The following MAGI3 variants were observed in gnomAD, a reference collection of about 807,000 sequenced individuals.
The protein encoded by MAGI3 is membrane associated guanylate kinase, WW and PDZ domain containing 3.
A neutral mutation model predicts 121.8 loss-of-function variants in MAGI3; 43 were observed. The ratio of observed to expected loss-of-function variants is 0.35; its 90% CI spans 0.28 to 0.46. MAGI3 has a LOEUF of 0.46. Among genes scored for constraint, MAGI3 ranks in the 20% least tolerant of loss-of-function variants. The pLI is 1.00. For missense variants in MAGI3, 1,547 were observed against 1,797.3 expected (o/e 0.86, Z 2.52); for synonymous variants, 553 against 639.3 (o/e 0.86, Z 2.04).
At chr1:113,587,607 T>C (rs901702050) in intron 4 of MAGI3, among the ~76,000 whole-genome samples, 1 of 152,226 alleles carries the variant, frequency 6.6e-6, no homozygotes, top group African/African-American at 2.4e-5. Flanking sequence ...TTTATTATTT[T>C]ATATCTTGCT....
chr1:113,586,509 T>G (rs1648374790), intron 4 of MAGI3, among the ~76,000 whole-genome samples: 1 of 152,206 alleles, frequency 6.6e-6, no homozygotes, highest in Admixed American at 6.5e-5. Context: ...TTCTGTTTTA[T>G]AGTCCTATCT....
intron 1 of MAGI3, among the ~76,000 whole-genome samples, chr1:113,437,994 A>G (rs895508024): frequency 2.0e-5 from 3 of 147,388 alleles, no homozygotes; most frequent in African/African-American, 5.1e-5. Flanking sequence ...GGATCTCTCT[A>G]TGTTGCGCAG....
chr1:113,630,619 T>A (rs1420389481), intron 9 of MAGI3, among the ~76,000 whole-genome samples: 1 of 152,154 alleles, frequency 6.6e-6, no homozygotes, highest in African/African-American at 2.4e-5. Context: ...ATTTATTACC[T>A]GGGTATTGCT....
chr1:113,635,780 G>A (rs200352911), intron 9 of MAGI3, among the ~76,000 whole-genome samples: 2,921 of 98,616 alleles, frequency 0.03, no homozygotes, highest in African/African-American at 0.042. Flanking sequence ...TCTATTGATT[G>A]GAATAGTTTC....
chr1:113,437,161 C>T (rs1447407885), intron 1 of MAGI3, among the ~76,000 whole-genome samples: 2 of 151,898 alleles, frequency 1.3e-5, no homozygotes, highest in Admixed American at 6.6e-5. Context: ...ATCTGCCCCA[C>T]TCCCATGCTT....
intron 6 of MAGI3, among the ~76,000 whole-genome samples, chr1:113,595,925 G>A (rs1648972223): frequency 6.6e-6 from 1 of 152,124 alleles, no homozygotes; most frequent in African/African-American, 2.4e-5. Flanking sequence ...CAGCTACTCA[G>A]GAGGCTGAGG....
At chr1:113,495,757 T>C (rs980357053) in intron 1 of MAGI3, among the ~76,000 whole-genome samples, 1 of 152,194 alleles carries the variant, frequency 6.6e-6, no homozygotes. Context: ...ATAAAGTCTG[T>C]TATCCCCAGG....
intron 1 of MAGI3, among the ~76,000 whole-genome samples, chr1:113,535,198 C>G (rs1658911581): frequency 6.6e-6 from 1 of 151,616 alleles, no homozygotes; most frequent in Non-Finnish European, 1.5e-5. Context: ...TTGTTTGCCT[C>G]AAAGATTATA....
intron 5 of MAGI3, among the ~76,000 whole-genome samples, chr1:113,591,747 T>A (rs548951346): frequency 2.2e-4 from 33 of 152,314 alleles, no homozygotes; most frequent in African/African-American, 7.2e-4. Flanking sequence ...GACTTTTGAC[T>A]TTCATGCTGA....
chr1:113,467,665 T>G (rs928174493), intron 1 of MAGI3, among the ~76,000 whole-genome samples: 10 of 152,244 alleles, frequency 6.6e-5, no homozygotes, highest in African/African-American at 2.4e-4. Context: ...CCCAAGTAGC[T>G]GGGATTACAG....
At chr1:113,603,335 C>T (rs1416824829) in intron 6 of MAGI3, among the ~76,000 whole-genome samples, 2 of 143,184 alleles carry the variant, frequency 1.4e-5, no homozygotes, top group Non-Finnish European at 3.0e-5. Flanking sequence ...GAGATTGAAT[C>T]AGTAATTTAA....
chr1:113,584,799 C>T (rs578220134), intron 3 of MAGI3, among the ~76,000 whole-genome samples: 21 of 152,194 alleles, frequency 1.4e-4, no homozygotes, highest in African/African-American at 4.8e-4. Context: ...GAATAATCTA[C>T]TTACATACAG....
At chr1:113,509,673 G>C (rs1387952106) in intron 1 of MAGI3, among the ~76,000 whole-genome samples, 3 of 119,578 alleles carry the variant, frequency 2.5e-5, no homozygotes, top group Non-Finnish European at 3.4e-5. Flanking sequence ...ATAGTATGCT[G>C]ATTTCTATAA....
In MAGI3 at chr1:113,653,835, C is replaced by G; in HGVS notation, c.2446C>G (p.Gln816Glu). ...ACTGATCATGTTTATTACAGAAAAA[C>G]AACCCGAGGACGACAGCTCTCAGGC... ...VRRKIFYGEK[Q>E]PEDDSSQAFI... The change falls in exon 15 of 21, where the codon CAA becomes GAA. Residue 816 changes from glutamine (Q) to glutamate (E), a missense_variant. By Grantham distance (29) the Gln-to-Glu change is conservative (BLOSUM62 2). Coordinates refer to ENST00000307546, the MANE Select transcript of MAGI3 (RefSeq NM_001142782.2). 6.3e-7 allele frequency: 1 copy of G among 1,590,356 alleles called. No individual in the cohort carries two copies. Among genetic ancestry groups the G allele is most frequent in the Non-Finnish European group, 8.5e-7 (1 of 1,171,610 alleles).
chr1:113,627,690 C>T (rs921623511), intron 9 of MAGI3, among the ~76,000 whole-genome samples: 1 of 150,776 alleles, frequency 6.6e-6, no homozygotes, highest in South Asian at 2.1e-4. Context: ...CTTTATGTGT[C>T]TGGGTACTCC....
chr1:113,428,354 G>A (rs1653124893), intron 1 of MAGI3, among the ~76,000 whole-genome samples: 1 of 152,066 alleles, frequency 6.6e-6, no homozygotes, highest in South Asian at 2.1e-4. Flanking sequence ...TCCCCATATG[G>A]ATTTTTAGTT....
At position 113,653,815 on chromosome 1, in the gene MAGI3, T is replaced by A; in HGVS notation, c.2441-15T>A. 1 of 1,578,256 alleles carries A rather than the reference T, an allele frequency of 6.3e-7. No individual in the cohort carries two copies. The highest frequency in any genetic ancestry group is 1.2e-5 in the South Asian group (1 of 86,000). On this transcript the variant is annotated splice_polypyrimidine_tract_variant and intron_variant, in intron 14 of 20. Transcript: ENST00000307546. ...GATGTTCCAGACATATCAAAACTGA[T>A]CATGTTTATTACAGAAAAACAACCC...
At chr1:113,514,543 C>T (rs1173352375) in intron 1 of MAGI3, among the ~76,000 whole-genome samples, 2 of 151,192 alleles carry the variant, frequency 1.3e-5, no homozygotes, top group East Asian at 2.0e-4. Context: ...CCAAACACCG[C>T]ATATTCTCAC....
At chr1:113,595,844 A>C (rs1648965695) in intron 6 of MAGI3, among the ~76,000 whole-genome samples, 3 of 152,196 alleles carry the variant, frequency 2.0e-5, no homozygotes, top group Admixed American at 2.0e-4. Context: ...CAGCCTGGGC[A>C]ACAGGGTGAA....
Sources: allele counts gnomAD v4.1 joint callset (sites outside exome capture counted in the v4.1 genomes callset), GRCh38; gene constraint gnomAD v4.1.1; transcripts MANE v1.5; gene names NCBI Gene and HGNC (gene_info 2026-07-23, HGNC 2026-07-21).